The following TUBGCP5 variants were observed in gnomAD, a reference collection of about 807,000 sequenced individuals.
TUBGCP5 encodes the protein tubulin gamma complex component 5.
Under a neutral mutation model 134.7 loss-of-function variants are expected in TUBGCP5, and 98 were observed. The ratio of observed to expected loss-of-function variants is 0.73; its 90% CI spans 0.62 to 0.86. TUBGCP5 has a LOEUF of 0.86. Ranked by LOEUF, TUBGCP5 falls within the 40% of genes least tolerant of loss-of-function variation. The probability of loss-of-function intolerance (pLI) is 0.00; values close to 1 mark genes in which losing one functional copy is unlikely to be tolerated. For missense variants in TUBGCP5, 1,150 were observed against 1,244.8 expected, an observed-to-expected ratio of 0.92 and a Z score of 1.15; for synonymous variants, 456 against 431.4, an observed-to-expected ratio of 1.06 and a Z score of -0.71.
chr15:23,019,015 C>T (rs370446682), intron 12 of TUBGCP5, among the ~76,000 whole-genome samples: 1 of 152,152 alleles, frequency 6.6e-6, no homozygotes, highest in African/African-American at 2.4e-5. Flanking sequence ...ACTGACAAAA[C>T]TTGGACAAAG....
At position 23,039,413 on chromosome 15, in the gene TUBGCP5, G is replaced by C; in HGVS notation, c.131C>G (p.Ala44Gly). Reference protein sequence around the residue: ...DPNFQLALNFAWSNFRFHRFL... With the variant: ...DPNFQLALNFGWSNFRFHRFL... ...TGCCCCACACCTGAAGTTGGACCAG[G>C]CGAAGTTTAGGGCGAGCTGGAAGTT... The change falls in exon 1 of 23, where the codon GCC (alanine) becomes GGC (glycine). Residue 44 changes from alanine to glycine, a missense_variant. Around this residue, in one of 2 missense-constraint regions of TUBGCP5, gnomAD observed 453 missense variants for 394.7 expected, o/e 1.15. Transcript: ENST00000615383. 4 of 1,512,640 alleles carry C rather than the reference G, an allele frequency of 2.6e-6. No individual in the cohort carries two copies. Among genetic ancestry groups the C allele is most frequent in the African/African-American group, 1.4e-5 (1 of 69,896 alleles). 93.7% of individuals were successfully genotyped at this position (1,512,640 alleles called of 1,614,324 possible).
At chr15:23,012,693 T>C (rs1412133520) in intron 13 of TUBGCP5, among the ~76,000 whole-genome samples, 1 of 152,150 alleles carries the variant, frequency 6.6e-6, no homozygotes, top group Non-Finnish European at 1.5e-5. Flanking sequence ...GCATAAAACT[T>C]TGAATATATT....
chr15:22,988,091 C>T (rs2063733098), intron 23 of TUBGCP5, among the ~76,000 whole-genome samples: 3 of 151,612 alleles, frequency 2.0e-5, no homozygotes, highest in Admixed American at 1.3e-4. Context: ...TGTTTATAGC[C>T]ACCCAGTCTA....
chr15:23,034,732 G>A (rs746147637), intron 3 of TUBGCP5, among the ~76,000 whole-genome samples: 11 of 151,934 alleles, frequency 7.2e-5, no homozygotes, highest in African/African-American at 1.5e-4. Flanking sequence ...GGTGGTGTAC[G>A]CTTGTAATCC....
At chr15:22,986,832 C>T (rs1215318506) in intron 23 of TUBGCP5, among the ~76,000 whole-genome samples, 1 of 151,872 alleles carries the variant, frequency 6.6e-6, no homozygotes, top group Non-Finnish European at 1.5e-5. Context: ...TGAAAAGAGG[C>T]GTGTAGGAAA....
intron 23 of TUBGCP5, among the ~76,000 whole-genome samples, chr15:22,987,844 C>G (rs139345114): frequency 0.03 from 4,095 of 136,598 alleles, 245 homozygotes; most frequent in African/African-American, 0.11. Context: ...TGCAGTGAGC[C>G]GAGATTGCGC....
chr15:23,016,969 G>GATATGTGTATGTATAT (rs1555439436), intron 13 of TUBGCP5, among the ~76,000 whole-genome samples: 1 of 109,396 alleles, frequency 9.1e-6, no homozygotes, highest in African/African-American at 3.6e-5. Context: ...AAAATTGTGA[G>GATATGTGTATGTATAT]ATATATATAT....
chr15:23,032,931 G>A, intron 3 of TUBGCP5, 107 bp from the exon 4 acceptor site: 1 of 765,080 alleles, frequency 1.3e-6, no homozygotes, highest in Non-Finnish European at 2.0e-6. Context: ...TTTTTTTCCT[G>A]GTTTGAGAAA....
intron 16 of TUBGCP5, among the ~76,000 whole-genome samples, chr15:23,007,482 T>C (rs2064788291): frequency 6.6e-6 from 1 of 152,148 alleles, no homozygotes; most frequent in South Asian, 2.1e-4. Context: ...CTAAGTTAGG[T>C]GCTGCACTGA....
intron 16 of TUBGCP5, among the ~76,000 whole-genome samples, chr15:23,007,975 G>A (rs574067095): frequency 3.3e-5 from 5 of 152,264 alleles, no homozygotes; most frequent in African/African-American, 1.2e-4. Context: ...AGGCAGGACT[G>A]AAAAACCTCA....
chr15:22,984,430 G>A (rs1205476857), intron 23 of TUBGCP5, among the ~76,000 whole-genome samples: 2 of 152,078 alleles, frequency 1.3e-5, no homozygotes, highest in Non-Finnish European at 2.9e-5. Flanking sequence ...GACCAGCCTG[G>A]CCAACGTGGC....
intron 23 of TUBGCP5, among the ~76,000 whole-genome samples, chr15:22,983,990 G>C (rs761732099): frequency 9.2e-5 from 14 of 152,008 alleles, no homozygotes; most frequent in Non-Finnish European, 1.8e-4. Flanking sequence ...CATAGTAGGC[G>C]GTGCCTGTGG....
At chr15:23,023,626 T>C in intron 10 of TUBGCP5, 1 of 266,720 alleles carries the variant, frequency 3.7e-6, no homozygotes. Context: ...GTATATGCAC[T>C]GCTCATGTAT....
At chr15:23,034,482 C>T (rs776599382) in intron 3 of TUBGCP5, among the ~76,000 whole-genome samples, 3 of 152,166 alleles carry the variant, frequency 2.0e-5, no homozygotes, top group African/African-American at 4.8e-5. Flanking sequence ...CTCAAAGAAT[C>T]GAAGTGTTCC....
chr15:23,036,969 G>C lies in TUBGCP5; in HGVS notation c.237C>G (p.Ser79Arg). The C allele has an allele frequency of 1.9e-6, 3 of 1,611,184 alleles. No homozygotes were observed. The highest frequency in any genetic ancestry group is 2.5e-6 in the Non-Finnish European group (3 of 1,179,002). ...TTAATCTCTTCCAACTAGCAGCTTT[G>C]CTTAGATCAGAATGAATGACAAATT... ...YEKFVIHSDL[S>R]KAASWKRLTE... The change falls in exon 3 of 23, where the codon AGC (serine) becomes AGG (arginine). Residue 79 changes from serine to arginine, a missense_variant. Ser to Arg is a moderately radical substitution (Grantham distance 110). Transcript: ENST00000615383.
rs2064943428 is a variant in TUBGCP5 at position 23,010,012 on chromosome 15, G to A, written c.2077C>T (p.Pro693Ser). ...FELTLRSCLY[P>S]HIDKQYLDCC... Reference sequence around the variant, plus strand: ...TCTAGATACTGCTTGTCAATATGAGGATAGAGGCAGGATCTCAGCGTTAAT... The same window carrying A: ...TCTAGATACTGCTTGTCAATATGAGAATAGAGGCAGGATCTCAGCGTTAAT... Residue 693 changes from proline to serine, a missense_variant, in exon 15 of 23, where the codon CCT (proline) becomes TCT (serine). Transcript: ENST00000615383. 1 of 1,614,080 alleles carries A rather than the reference G, an allele frequency of 6.2e-7. No homozygotes were observed. The highest frequency in any genetic ancestry group is 1.3e-5 in the African/African-American group (1 of 75,012).
chr15:23,038,738 C>T (rs2066741308), intron 1 of TUBGCP5, among the ~76,000 whole-genome samples: 1 of 152,000 alleles, frequency 6.6e-6, no homozygotes, highest in Non-Finnish European at 1.5e-5. Context: ...ATTTACATCT[C>T]CCATAAAGAA....
At chr15:23,001,232 G>T (rs952178029) in intron 21 of TUBGCP5, among the ~76,000 whole-genome samples, 1 of 151,860 alleles carries the variant, frequency 6.6e-6, no homozygotes, top group Admixed American at 6.6e-5. Context: ...TTGTAGAGAT[G>T]GGGTTTCGCC....
downstream of TUBGCP5, among the ~76,000 whole-genome samples, chr15:22,998,772 A>G (rs4380031): frequency 0.13 from 20,501 of 151,988 alleles, 1,818 homozygotes; most frequent in East Asian, 0.46. Flanking sequence ...GGGCCACCAC[A>G]CCTGGCTAAT....
Sources: allele counts gnomAD v4.1 joint callset (sites outside exome capture counted in the v4.1 genomes callset), GRCh38; gene constraint gnomAD v4.1.1; regional missense constraint gnomAD v4.1.1; transcripts MANE v1.5; gene names NCBI Gene and HGNC (gene_info 2026-07-23, HGNC 2026-07-21).